The following CD79B variants were observed in gnomAD, a reference collection of about 807,000 sequenced individuals.
The protein encoded by CD79B is B-cell antigen receptor complex-associated protein beta chain.
A neutral mutation model predicts 30.0 loss-of-function variants in CD79B; 7 were observed. The observed-to-expected ratio is 0.23, with a 90% CI of 0.13 to 0.44. CD79B has a LOEUF of 0.44. CD79B is among the 20% of genes least tolerant of loss of function. The pLI, the probability that CD79B is intolerant of heterozygous loss-of-function variation, is 1.00. For synonymous variants in CD79B, 118 were observed against 119.2 expected, an observed-to-expected ratio of 0.99 and a Z score of 0.07; for missense variants, 218 against 299.1, an observed-to-expected ratio of 0.73 and a Z score of 2.00.
rs1374827449 is a variant in CD79B at position 63,930,283 on chromosome 17, A to G, written c.221T>C (p.Val74Ala). The G allele has an allele frequency of 2.5e-6, 4 of 1,614,056 alleles. No homozygotes were observed. In the African/African-American group the frequency reaches 5.3e-5, roughly 22 times the overall value. Reference protein sequence around the residue: ...HCYMNSASGNVSWLWKQEMDE... With the variant: ...HCYMNSASGNASWLWKQEMDE... ...CATCTCCTGCTTCCAGAGCCAGCTC[A>G]CATTGCCGGAGGCGCTGTTCATGTA... Residue 74 changes from valine (V) to alanine (A), a missense_variant, in exon 3 of 6, where the codon GTG (valine) becomes GCG (alanine). Physicochemically the swap from Val to Ala is moderately conservative, Grantham distance 64. Transcript: ENST00000006750.
Position 63,928,835 on chromosome 17 carries a change from C to A in CD79B, c.*391G>T. 1 of 391,674 alleles carries A rather than the reference C, an allele frequency of 2.6e-6. No homozygotes were observed. The highest frequency in any genetic ancestry group is 4.3e-5 in the East Asian group (1 of 23,080). 24.3% of individuals were successfully genotyped at this position (391,674 alleles called of 1,614,324 possible). The stretch of plus-strand genomic sequence containing the variant: ...GTGGTTGCGGGAGAGGAATGATGTT[C>A]CTGTGGCTCTTCTGGGGCCCAGTTG... On this transcript the variant is annotated 3_prime_UTR_variant, in exon 6 of 6. Coordinates refer to ENST00000006750, the MANE Select transcript of CD79B (RefSeq NM_000626.4).
Position 63,929,056 on chromosome 17 carries a change from C to G in CD79B, c.*170G>C. 1.5e-6 allele frequency: 1 copy of G among 651,904 alleles called. No homozygotes were observed. The highest frequency in any genetic ancestry group is 2.7e-5 in the East Asian group (1 of 36,850). The allele number at this position is 651,904 out of a possible 1,614,324, so 40.4% of individuals were successfully genotyped here. ...CCCTGTTGTCCTTCTACTCCAGGCC[C>G]TTTGGCAAGAGCTGGGGACCAGGGG... On this transcript the variant is annotated 3_prime_UTR_variant, in exon 6 of 6. Coordinates refer to ENST00000006750, the MANE Select transcript of CD79B (RefSeq NM_000626.4).
intron 2 of CD79B, 110 bp downstream of exon 2, chr17:63,931,225 G>C: frequency 1.9e-6 from 2 of 1,062,446 alleles, no homozygotes; most frequent in Non-Finnish European, 2.9e-6. Flanking sequence ...TGGATGGGGA[G>C]ATCAGGCAAG....
At position 63,929,170 on chromosome 17, in the gene CD79B, C is replaced by T. The variant is rs568978350; in HGVS notation, c.*56G>A. The T allele has an allele frequency of 3.7e-5, 45 of 1,210,394 alleles. No homozygotes were observed. Among genetic ancestry groups the T allele is most frequent in the African/African-American group, 1.0e-4 (7 of 67,122 alleles). The allele number at this position is 1,210,394 out of a possible 1,614,324, so 75.0% of individuals were successfully genotyped here. A position where few individuals can be genotyped will look rare whatever the true frequency, so the allele number is the denominator to read the frequency against. ...GGTTGGGCCATGAGCCAGGCAGCTC[C>T]GAAGCAGTCACTGAGGCCAGGGAGC... On this transcript the variant is annotated 3_prime_UTR_variant, in exon 6 of 6. Transcript: ENST00000006750.
intron 1 of CD79B, 37 bp from the exon 2 acceptor site, chr17:63,931,422 G>A: frequency 6.2e-7 from 1 of 1,605,762 alleles, no homozygotes; most frequent in South Asian, 1.1e-5. Context: ...GCCAGTCAGG[G>A]CCTCCTCTGG....
chr17:63,929,256 CCACTT>C lies in CD79B; in HGVS notation c.655_659del (p.Lys219ValfsTer4). ...CCTGGCCTGGGTGCTCACCTACAGA[CCACTT>C]CACTTCCCCTGTCCGCAGCGTCACT... On this transcript the variant is annotated frameshift_variant, in exon 6 of 6. Coordinates refer to ENST00000006750, the MANE Select transcript of CD79B (RefSeq NM_000626.4). LOFTEE classifies it high-confidence loss of function. The C allele has an allele frequency of 6.2e-7, 1 of 1,613,822 alleles. No homozygotes were observed. The highest frequency in any genetic ancestry group is 8.5e-7 in the Non-Finnish European group (1 of 1,179,788).
intron 2 of CD79B, 114 bp downstream of exon 2, chr17:63,931,221 G>T: frequency 9.9e-7 from 1 of 1,007,994 alleles, no homozygotes; most frequent in South Asian, 1.3e-5. Flanking sequence ...ATCCTGGATG[G>T]GGAGATCAGG....
At position 63,930,221 on chromosome 17, in the gene CD79B, G is replaced by A. The variant is rs1277301487; in HGVS notation, c.283C>T (p.Arg95Cys). 1.2e-6 allele frequency: 2 copies of A among 1,614,066 alleles called. No homozygotes were observed. The highest frequency in any genetic ancestry group is 8.5e-7 in the Non-Finnish European group (1 of 1,180,042). The part of the protein sequence containing the change: ...NPQQLKLEKG[R>C]MEESQNESLA... ...GATTCGTTCTGGGACTCTTCCATGC[G>A]GCCCTTTTCCAGCTTCAGCTGCTGG... Residue 95 changes from arginine to cysteine, a missense_variant, in exon 3 of 6, where the codon CGC (arginine) becomes TGC (cysteine). Physicochemically the swap from Arg to Cys is radical, Grantham distance 180. Coordinates refer to ENST00000006750, the MANE Select transcript of CD79B (RefSeq NM_000626.4).
chr17:63,929,745 A>G (rs1278665864), intron 4 of CD79B, 25 bp downstream of exon 4: 1 of 1,550,942 alleles, frequency 6.4e-7, no homozygotes, highest in East Asian at 2.2e-5. Context: ...GCGGTCCCCC[A>G]AGGCTTCCCC....
At chr17:63,930,454 C>A (rs1257065820) in intron 2 of CD79B, 69 bp from the exon 3 acceptor site, 10 of 1,424,434 alleles carry the variant, frequency 7.0e-6, no homozygotes, top group Non-Finnish European at 9.8e-6. Context: ...CAGCAGCAGG[C>A]CCCTGCCCTG....
chr17:63,929,514 C>G, intron 4 of CD79B, 39 bp from the exon 5 acceptor site: 1 of 1,610,978 alleles, frequency 6.2e-7, no homozygotes, highest in South Asian at 1.1e-5. Context: ...GTGTTAGTGT[C>G]CCCCAGCCCC....
In CD79B at chr17:63,930,164, A is replaced by G. The variant is rs950112233; in HGVS notation, c.340T>C (p.Phe114Leu). ...LATLTIQGIR[F>L]EDNGIYFCQQ... ...CAGAAGTAGATGCCATTGTCCTCAA[A>G]CCGGATGCCTTGGATGGTGAGGGTG... The change falls in exon 3 of 6, where the codon TTT becomes CTT. Residue 114 changes from phenylalanine to leucine, a missense_variant. Transcript: ENST00000006750. 9 of 1,614,004 alleles carry G rather than the reference A, an allele frequency of 5.6e-6. No individual in the cohort carries two copies. Among genetic ancestry groups the G allele is most frequent in the Non-Finnish European group, 7.6e-6 (9 of 1,180,012 alleles).
At chr17:63,932,073 G>C (rs1235085978) in intron 1 of CD79B, 122 bp downstream of exon 1, 3 of 904,780 alleles carry the variant, frequency 3.3e-6, no homozygotes, top group South Asian at 2.8e-5. Flanking sequence ...CCATGAGAGG[G>C]AGACAGGCGG....
At chr17:63,931,993 G>C in intron 1 of CD79B, 1 of 663,450 alleles carries the variant, frequency 1.5e-6, no homozygotes, top group Non-Finnish European at 2.8e-6. Context: ...AGGCAGGAGA[G>C]GAACTGGGGC....
chr17:63,928,851 G>A lies in CD79B; in HGVS notation c.*375C>T. 2 of 398,320 alleles carry A rather than the reference G, an allele frequency of 5.0e-6. No individual in the cohort carries two copies. Among genetic ancestry groups the A allele is most frequent in the Non-Finnish European group, 9.4e-6 (2 of 213,574 alleles). The allele number at this position is 398,320 out of a possible 1,614,324, so 24.7% of individuals were successfully genotyped here. On this transcript the variant is annotated 3_prime_UTR_variant, in exon 6 of 6. Coordinates refer to ENST00000006750, the MANE Select transcript of CD79B (RefSeq NM_000626.4). ...AATGATGTTCCTGTGGCTCTTCTGG[G>A]GCCCAGTTGGGTCCATGGCCCTTCC...
Position 63,932,279 on chromosome 17 carries a change from C to T in CD79B, c.-18G>A, listed in dbSNP as rs368919658. On this transcript the variant is annotated 5_prime_UTR_variant, in exon 1 of 6. Transcript: ENST00000006750. ...CTGGCCATGGTCACCGCTCTGTCCCCGACCCCAAACCCGTGACAACGTCCG... is the reference window on the plus strand; with the variant it reads ...CTGGCCATGGTCACCGCTCTGTCCCTGACCCCAAACCCGTGACAACGTCCG... 1.8e-5 allele frequency: 29 copies of T among 1,610,284 alleles called. No homozygotes were observed. The African/African-American group carries it at 2.8e-4, about 16-fold the overall frequency.
chr17:63,929,764 G>A lies in CD79B; in HGVS notation c.549+6C>T. 5 of 1,598,144 alleles carry A rather than the reference G, an allele frequency of 3.1e-6. No individual in the cohort carries two copies. Among genetic ancestry groups the A allele is most frequent in the Non-Finnish European group, 4.3e-6 (5 of 1,170,054 alleles). On this transcript the variant is annotated splice_donor_region_variant and intron_variant, in intron 4 of 5. Transcript: ENST00000006750. ...TCCCCCAAGGCTTCCCCCGTCCCCT[G>A]ATCACCTTGTCCAGCAGCAGGAAGA...
chr17:63,932,319 A>T lies in CD79B; in HGVS notation c.-58T>A, dbSNP rs924071457. On this transcript the variant is annotated 5_prime_UTR_variant, in exon 1 of 6. Transcript: ENST00000006750. The stretch of plus-strand genomic sequence containing the variant: ...GACAACGTCCGAGGCTCCTTGGAGG[A>T]AAACGTGTAACTGCACCGGCTGCAG... 1 of 1,498,854 alleles carries T rather than the reference A, an allele frequency of 6.7e-7. No homozygotes were observed. The highest frequency in any genetic ancestry group is 1.7e-5 in the Admixed American group (1 of 59,188). The allele number at this position is 1,498,854 out of a possible 1,614,324, so 92.8% of individuals were successfully genotyped here.
chr17:63,929,504 G>A (rs368069795), intron 4 of CD79B, 29 bp from the exon 5 acceptor site: 47 of 1,613,090 alleles, frequency 2.9e-5, no homozygotes, highest in East Asian at 1.1e-4. Flanking sequence ...GGAGATCAGA[G>A]TGTTAGTGTC....
Sources: gnomAD v4.1 joint callset for allele counts on GRCh38, gnomAD v4.1.1 for gene constraint, MANE v1.5 for transcripts, NCBI Gene and HGNC (gene_info 2026-07-23, HGNC 2026-07-21) for gene names.